Variants in STK39 observed in about 807,000 individuals in gnomAD.
The protein encoded by STK39 is STE20/SPS1-related proline-alanine-rich protein kinase.
A neutral mutation model predicts 77.8 loss-of-function variants in STK39; 20 were observed. That is an observed-to-expected ratio of 0.26 (90% CI 0.18 to 0.37). The LOEUF (loss-of-function observed/expected upper bound fraction) is 0.37. STK39 is among the 10% of genes least tolerant of loss of function. The probability of loss-of-function intolerance (pLI) is 1.00; values close to 1 mark genes in which losing one functional copy is unlikely to be tolerated. For missense variants in STK39, 479 were observed against 656.5 expected, an observed-to-expected ratio of 0.73 and a Z score of 2.95; for synonymous variants, 246 against 234.1, an observed-to-expected ratio of 1.05 and a Z score of -0.47.
In STK39 at chr2:168,179,038, T is replaced by A. The variant is rs534552594; in HGVS notation, c.321+2940A>T. Among the ~76,000 whole-genome samples, 6 of 151,756 alleles carry A rather than the reference T, an allele frequency of 4.0e-5. No individual in the cohort carries two copies. In the South Asian group the frequency reaches 1.0e-3, roughly 26 times the overall value. ...TCATCAAGGGAGAAACATGTCCCAG[T>A]GGCCAACAAATAGTTGATAATTGTG... is the stretch of plus-strand genomic sequence containing the variant. On this transcript the variant is annotated intron_variant, in intron 2 of 17. Coordinates refer to ENST00000355999, the MANE Select transcript of STK39 (RefSeq NM_013233.3).
chr2:168,181,945 C>T, intron 2 of STK39, 33 bp downstream of exon 2: 2 of 1,579,492 alleles, frequency 1.3e-6, no homozygotes, highest in South Asian at 1.1e-5. Context: ...TTAAGAAAAG[C>T]AACCAGCAGG....
At chr2:168,056,490 C>T (rs540606122) in intron 14 of STK39, among the ~76,000 whole-genome samples, 3 of 152,082 alleles carry the variant, frequency 2.0e-5, no homozygotes, top group African/African-American at 7.2e-5. Context: ...TGAGGAAGGG[C>T]TGGCCTGAAC....
chr2:168,204,117 A>T (rs1689681343), intron 1 of STK39, among the ~76,000 whole-genome samples: 1 of 152,254 alleles, frequency 6.6e-6, no homozygotes, highest in Non-Finnish European at 1.5e-5. Flanking sequence ...GGCAAAGTAG[A>T]ACAACTACAG....
chr2:168,081,251 C>G (rs1220329452), intron 10 of STK39, among the ~76,000 whole-genome samples: 1 of 152,186 alleles, frequency 6.6e-6, no homozygotes, highest in African/African-American at 2.4e-5. Flanking sequence ...GGAGGCTGTA[C>G]CCTACAAAGC....
intron 10 of STK39, among the ~76,000 whole-genome samples, chr2:168,106,487 A>G (rs893893152): frequency 9.9e-5 from 15 of 152,206 alleles, no homozygotes; most frequent in African/African-American, 3.6e-4. Flanking sequence ...AAAAGAACAG[A>G]TTATGTACTA....
intron 3 of STK39, among the ~76,000 whole-genome samples, 159 bp downstream of exon 3, chr2:168,167,140 T>C (rs1409300377): frequency 6.6e-6 from 1 of 152,124 alleles, no homozygotes; most frequent in Admixed American, 6.5e-5. Context: ...TGAAGGTCAA[T>C]GTGAAGCAAT....
Position 167,998,302 on chromosome 2 carries a change from C to T in STK39, c.1498+14332G>A, listed in dbSNP as rs547780127. 3.3e-3 allele frequency among the ~76,000 whole-genome samples: 507 copies of T among 152,318 alleles called. 1 individual carries two copies. Among genetic ancestry groups the T allele is most frequent in the Non-Finnish European group, 5.9e-3 (400 of 68,034 alleles). On this transcript the variant is annotated intron_variant, in intron 16 of 17. Transcript: ENST00000355999. ...GAACATGAAACCACTTAAATGCTCACTTTAATTTAGATAATTAGAGTGTTA... is the reference window on the plus strand; with the variant it reads ...GAACATGAAACCACTTAAATGCTCATTTTAATTTAGATAATTAGAGTGTTA...
chr2:168,029,711 C>T (rs995552316), intron 14 of STK39, among the ~76,000 whole-genome samples: 24 of 152,098 alleles, frequency 1.6e-4, no homozygotes, highest in African/African-American at 4.8e-4. Flanking sequence ...CTTTCTCCGA[C>T]GGGTATTTGA....
intron 16 of STK39, among the ~76,000 whole-genome samples, chr2:168,011,015 G>A (rs1684256541): frequency 1.3e-5 from 2 of 152,046 alleles, no homozygotes; most frequent in African/African-American, 4.8e-5. Flanking sequence ...ATCATTTAAG[G>A]GGCTGGGAGT....
In STK39 at chr2:168,144,335, G is replaced by A. The variant is rs939046109; in HGVS notation, c.629-3577C>T. Among the ~76,000 whole-genome samples, 12 of 151,938 alleles carry A rather than the reference G, an allele frequency of 7.9e-5. No individual in the cohort carries two copies. In the South Asian group the frequency reaches 1.9e-3, roughly 24 times the overall value. On this transcript the variant is annotated intron_variant, in intron 5 of 17. Coordinates refer to ENST00000355999, the MANE Select transcript of STK39 (RefSeq NM_013233.3). ...TTTTATTTTTTTGAAACAGAGTCTC[G>A]CTCTGTCGCCCAAGGTGGAACATAG... is the stretch of plus-strand genomic sequence containing the variant.
chr2:167,964,072 G>C (rs1270617251), intron 17 of STK39, among the ~76,000 whole-genome samples: 1 of 152,186 alleles, frequency 6.6e-6, no homozygotes, highest in African/African-American at 2.4e-5. Context: ...CCGGCACTCT[G>C]TATCTCTGTG....
At chr2:168,124,340 T>C (rs1378325947) in intron 10 of STK39, among the ~76,000 whole-genome samples, 2 of 152,166 alleles carry the variant, frequency 1.3e-5, no homozygotes, top group Non-Finnish European at 2.9e-5. Context: ...GCAGTGAGCA[T>C]TCAGACATTT....
At chr2:168,135,376 G>A (rs990456669) in intron 8 of STK39, among the ~76,000 whole-genome samples, 6 of 152,134 alleles carry the variant, frequency 3.9e-5, no homozygotes, top group African/African-American at 9.7e-5. Context: ...TCCTCACAGC[G>A]ATCCTATGAA....
chr2:168,246,114 A>G (rs1342704677), intron 1 of STK39, among the ~76,000 whole-genome samples: 1 of 152,190 alleles, frequency 6.6e-6, no homozygotes, highest in African/African-American at 2.4e-5. Flanking sequence ...AAAAATACTT[A>G]AGATAAATAT....
At chr2:168,073,254 G>A (rs1257050029) in intron 12 of STK39, among the ~76,000 whole-genome samples, 3 of 152,188 alleles carry the variant, frequency 2.0e-5, no homozygotes, top group African/African-American at 7.2e-5. Flanking sequence ...CACAGTAAGA[G>A]ATTATCCTAA....
chr2:168,244,125 G>A (rs1690840622), intron 1 of STK39, among the ~76,000 whole-genome samples: 1 of 152,060 alleles, frequency 6.6e-6, no homozygotes, highest in African/African-American at 2.4e-5. Flanking sequence ...TCATTTCCAG[G>A]TCATGAATAA....
chr2:168,203,751 C>T (rs1689669592), intron 1 of STK39, among the ~76,000 whole-genome samples: 1 of 152,220 alleles, frequency 6.6e-6, no homozygotes, highest in Non-Finnish European at 1.5e-5. Context: ...AGCCACCGTG[C>T]CCCACTAATT....
chr2:168,100,525 A>G (rs753688361), intron 10 of STK39, among the ~76,000 whole-genome samples: 6 of 152,124 alleles, frequency 3.9e-5, no homozygotes, highest in Admixed American at 1.3e-4. Flanking sequence ...CGGCCTCCCA[A>G]AGTGTAGGGA....
intron 2 of STK39, among the ~76,000 whole-genome samples, chr2:168,172,840 T>C (rs1688862342): frequency 6.6e-6 from 1 of 152,214 alleles, no homozygotes; most frequent in Non-Finnish European, 1.5e-5. Context: ...AGCTCCAAAA[T>C]TGTATGCAGT....
Sources: gnomAD v4.1 joint callset for allele counts (sites outside exome capture counted in the v4.1 genomes callset) on GRCh38, gnomAD v4.1.1 for gene constraint, MANE v1.5 for transcripts, NCBI Gene and HGNC (gene_info 2026-07-23, HGNC 2026-07-21) for gene names.